The following ATAD1 variants were observed in gnomAD, a reference collection of about 807,000 sequenced individuals.
ATAD1 encodes outer mitochondrial transmembrane helix translocase.
ATAD1 carries 18 observed loss-of-function variants against 42.7 expected under a neutral mutation model. That is an observed-to-expected ratio of 0.42 (90% CI 0.29 to 0.63). The LOEUF (loss-of-function observed/expected upper bound fraction) is 0.63. Among genes scored for constraint, ATAD1 ranks in the 20% least tolerant of loss-of-function variants. The pLI, the probability that ATAD1 is intolerant of heterozygous loss-of-function variation, is 0.19. For synonymous variants in ATAD1, 132 were observed against 143.1 expected (o/e 0.92, Z 0.55); for missense variants, 294 against 440.4 (o/e 0.67, Z 2.98).
At chr10:87,841,053 T>G (rs1413419360) in intron 1 of ATAD1, 2 of 152,072 alleles carry the variant, frequency 1.3e-5, no homozygotes, top group Non-Finnish European at 2.9e-5. Context: ...CCTAGTAATT[T>G]TTTTTTTTAA....
intron 6 of ATAD1, among the ~76,000 whole-genome samples, chr10:87,774,989 G>T (rs1855224879): frequency 6.6e-6 from 1 of 151,782 alleles, no homozygotes. Flanking sequence ...TAGAAATAAG[G>T]TCCTACATAT....
intron 5 of ATAD1, among the ~76,000 whole-genome samples, chr10:87,779,356 A>ATTT (rs2131855953): frequency 1.3e-5 from 2 of 152,262 alleles, no homozygotes; most frequent in Admixed American, 1.3e-4. Flanking sequence ...GTGCTATGTG[A>ATTT]AAGATACTGC....
chr10:87,791,184 G>T (rs1409381878), intron 3 of ATAD1, among the ~76,000 whole-genome samples: 5 of 141,644 alleles, frequency 3.5e-5, no homozygotes, highest in African/African-American at 1.4e-4. Flanking sequence ...CATCCTAGGT[G>T]ACAGAGTGAG....
chr10:87,767,805 C>T, intron 7 of ATAD1, 82 bp from the exon 8 acceptor site: 1 of 1,360,376 alleles, frequency 7.4e-7, no homozygotes, highest in Non-Finnish European at 1.0e-6. Flanking sequence ...ATATTTTGTC[C>T]CTTCTAAAGT....
chr10:87,810,377 T>C (rs180794558), intron 2 of ATAD1, among the ~76,000 whole-genome samples: 60 of 152,184 alleles, frequency 3.9e-4, no homozygotes, highest in African/African-American at 1.4e-3. Context: ...ATACTATACA[T>C]GTCCATTTTT....
chr10:87,808,152 T>C (rs1857009935), intron 2 of ATAD1, among the ~76,000 whole-genome samples: 1 of 152,194 alleles, frequency 6.6e-6, no homozygotes, highest in Non-Finnish European at 1.5e-5. Flanking sequence ...TGAATCCTGA[T>C]AGCTTGTAAA....
At chr10:87,798,457 C>T (rs527907288) in intron 2 of ATAD1, among the ~76,000 whole-genome samples, 118 of 152,122 alleles carry the variant, frequency 7.8e-4, no homozygotes, top group Non-Finnish European at 1.4e-3. Context: ...AGAGTTGCTA[C>T]GTTCTCTTTC....
intron 2 of ATAD1, among the ~76,000 whole-genome samples, chr10:87,796,607 T>C (rs1289932394): frequency 1.3e-5 from 2 of 152,224 alleles, no homozygotes; most frequent in Non-Finnish European, 2.9e-5. Context: ...CAGGACCTCC[T>C]GCAGCTGTGT....
rs560954287 is a variant in ATAD1 at position 87,835,849 on chromosome 10, T to C, written c.-14+5338A>G. 2.6e-5 allele frequency among the ~76,000 whole-genome samples: 4 copies of C among 152,330 alleles called. No homozygotes were observed. The South Asian group carries it at 8.3e-4, about 32-fold the overall frequency. On this transcript the variant is annotated intron_variant, in intron 1 of 4. Transcript: ENST00000495903. ...AAGTTTTTAATGATTGGGATCAAAA[T>C]ATAAATATTTAATTTTACACAACCT...
At chr10:87,816,642 G>C (rs947455190) in intron 1 of ATAD1, among the ~76,000 whole-genome samples, 1 of 152,092 alleles carries the variant, frequency 6.6e-6, no homozygotes. Flanking sequence ...ACAAACCAAA[G>C]TGTGCTATCT....
At chr10:87,808,464 C>T (rs900878481) in intron 2 of ATAD1, among the ~76,000 whole-genome samples, 1 of 152,068 alleles carries the variant, frequency 6.6e-6, no homozygotes, top group Admixed American at 6.6e-5. Flanking sequence ...AGTTAAAGAT[C>T]GCCTGAAGCC....
chr10:87,789,105 AAAT>A (rs1855973216), intron 4 of ATAD1, among the ~76,000 whole-genome samples: 1 of 152,216 alleles, frequency 6.6e-6, no homozygotes, highest in Admixed American at 6.5e-5. Context: ...TTTGATATGT[AAAT>A]TAATGCACTT....
chr10:87,755,897 G>A (rs952046972), intron 9 of ATAD1, among the ~76,000 whole-genome samples: 22 of 152,026 alleles, frequency 1.4e-4, no homozygotes, highest in Non-Finnish European at 2.4e-4. Flanking sequence ...GCGAAACTCC[G>A]TCTCAAAAAA....
intron 7 of ATAD1, among the ~76,000 whole-genome samples, chr10:87,769,775 G>A (rs1418491933): frequency 1.3e-5 from 2 of 151,870 alleles, no homozygotes; most frequent in South Asian, 2.1e-4. Context: ...GTGAAACCCC[G>A]TCTCTACTAA....
chr10:87,790,279 T>G (rs202153368), intron 4 of ATAD1, 31 bp downstream of exon 4: 1 of 1,590,494 alleles, frequency 6.3e-7, no homozygotes, highest in Admixed American at 1.9e-5. Context: ...AGGATTTTAA[T>G]GCTTTAGGCG....
rs1185697448 is a variant in ATAD1, at chr10:87,752,102, T to C, written c.*2585A>G. 6.6e-6 allele frequency: 1 copy of C among 152,158 alleles called. No homozygotes were observed. Among genetic ancestry groups the C allele is most frequent in the Non-Finnish European group, 1.5e-5 (1 of 68,026 alleles). The allele number at this position is 152,158 out of a possible 1,614,324, so 9.4% of individuals were successfully genotyped here. On this transcript the variant is annotated 3_prime_UTR_variant, in exon 10 of 10. Coordinates refer to ENST00000680024, the MANE Select transcript of ATAD1 (RefSeq NM_001321967.2). Reference sequence around the variant, plus strand: ...GCTCTTAATGAATGCTGGGTTTACCTGCAGGTAGGGGGTTGGCTGAGATTA... The same window carrying C: ...GCTCTTAATGAATGCTGGGTTTACCCGCAGGTAGGGGGTTGGCTGAGATTA...
At chr10:87,764,513 G>C (rs1024617681) in intron 8 of ATAD1, among the ~76,000 whole-genome samples, 2 of 151,894 alleles carry the variant, frequency 1.3e-5, no homozygotes, top group African/African-American at 4.8e-5. Context: ...TATCCATCTA[G>C]AAAAACAAAA....
In ATAD1 at chr10:87,807,232, T is replaced by C. The variant is rs12241293; in HGVS notation, c.162+7206A>G. Among the ~76,000 whole-genome samples the C allele has an allele frequency of 8.1e-3, 1,232 of 152,302 alleles. 11 individuals carry two copies. The highest frequency in any genetic ancestry group is 0.028 in the African/African-American group (1,176 of 41,568). On this transcript the variant is annotated intron_variant, in intron 2 of 9. Coordinates refer to ENST00000680024, the MANE Select transcript of ATAD1 (RefSeq NM_001321967.2). ...ACCAACATTTATACAAATATTCAGA[T>C]TGGTTCCTGCTTTTTTCCATTACAA... is the stretch of plus-strand genomic sequence containing the variant.
intron 5 of ATAD1, 34 bp from the exon 6 acceptor site, chr10:87,776,461 A>G: frequency 6.6e-7 from 1 of 1,526,044 alleles, no homozygotes. Context: ...TTAGAAATTA[A>G]GAATTAATTA....
Sources: gnomAD v4.1 joint callset for allele counts (sites outside exome capture counted in the v4.1 genomes callset) on GRCh38, gnomAD v4.1.1 for gene constraint, MANE v1.5 for transcripts, NCBI Gene and HGNC (gene_info 2026-07-23, HGNC 2026-07-21) for gene names.